The following PSMD9 variants were observed in gnomAD, a reference collection of about 807,000 sequenced individuals.
The protein encoded by PSMD9 is 26S proteasome non-ATPase regulatory subunit 9.
Under a neutral mutation model 25.9 loss-of-function variants are expected in PSMD9, and 26 were observed. The ratio of observed to expected loss-of-function variants is 1.00; its 90% CI spans 0.73 to 1.39. The LOEUF is 1.39. PSMD9 is among the 40% of genes most tolerant of loss of function. PSMD9 has a pLI of 0.00. For synonymous variants in PSMD9, 110 were observed against 114.5 expected (o/e 0.96, Z 0.25); for missense variants, 303 against 299.3 (o/e 1.01, Z -0.09).
chr12:121,912,261 C>G (rs115580427), intron 4 of PSMD9, among the ~76,000 whole-genome samples: 2,792 of 151,938 alleles, frequency 0.018, 87 homozygotes, highest in African/African-American at 0.064. Flanking sequence ...AATTCCTGGG[C>G]TCAAGCGATC....
In PSMD9 at chr12:121,916,808, G is replaced by A. The variant is rs564360897; in HGVS notation, c.*497G>A. ...CTGAGGCCTTGCTGCTGTGGATACG[G>A]AAATGGTTAAGTACTGTGCTTCCTC... On this transcript the variant is annotated 3_prime_UTR_variant, in exon 6 of 6. Coordinates refer to ENST00000541212, the MANE Select transcript of PSMD9 (RefSeq NM_002813.7). The A allele has an allele frequency of 3.7e-5, 6 of 160,034 alleles. No homozygotes were observed. Among genetic ancestry groups the A allele is most frequent in the Middle Eastern group, 3.4e-3 (1 of 296 alleles). 9.9% of individuals were successfully genotyped at this position (160,034 alleles called of 1,614,324 possible). A position where few individuals can be genotyped will look rare whatever the true frequency, so the allele number is the denominator to read the frequency against.
rs1302391739 is a variant in PSMD9 at position 121,888,862 on chromosome 12, C to T, written c.6C>T (p.Ser2=). Reference sequence around the variant, plus strand: ...GTCGCGGCCCGGGGTTCACGATGTCCGACGAGGAAGCGAGGCAGAGCGGAG... The same window carrying T: ...GTCGCGGCCCGGGGTTCACGATGTCTGACGAGGAAGCGAGGCAGAGCGGAG... M[S]DEEARQSGGS... The change falls in exon 1 of 6, where the codon TCC becomes TCT. Residue 2 remains serine, a synonymous_variant. Transcript: ENST00000541212. 4.4e-6 allele frequency: 7 copies of T among 1,603,542 alleles called. No homozygotes were observed. The highest frequency in any genetic ancestry group is 1.7e-5 in the Admixed American group (1 of 58,546).
At chr12:121,910,057 T>C (rs1411242999) in intron 4 of PSMD9, among the ~76,000 whole-genome samples, 1 of 151,898 alleles carries the variant, frequency 6.6e-6, no homozygotes, top group African/African-American at 2.4e-5. Context: ...AACATAGATA[T>C]TCTTTGACAA....
rs916186817 is a variant in PSMD9 at position 121,917,627 on chromosome 12, G to A, written c.*1316G>A. On this transcript the variant is annotated 3_prime_UTR_variant, in exon 6 of 6. Transcript: ENST00000541212. Reference sequence around the variant, plus strand: ...TACAGATACCAGCTTGCCTTGATGGGATTGGTATTGCTGTGTGCTTCCAGC... The same window carrying A: ...TACAGATACCAGCTTGCCTTGATGGAATTGGTATTGCTGTGTGCTTCCAGC... 1.6e-4 allele frequency: 25 copies of A among 152,206 alleles called. No individual in the cohort carries two copies. Among genetic ancestry groups the A allele is most frequent in the African/African-American group, 5.5e-4 (23 of 41,442 alleles). 9.4% of individuals were successfully genotyped at this position (152,206 alleles called of 1,614,324 possible).
chr12:121,900,269 A>G (rs1311230162), intron 3 of PSMD9, among the ~76,000 whole-genome samples: 1 of 152,002 alleles, frequency 6.6e-6, no homozygotes, highest in Non-Finnish European at 1.5e-5. Context: ...AGCACTTGAG[A>G]AGGCTGAGGC....
chr12:121,916,649 G>T lies in PSMD9; in HGVS notation c.*338G>T, dbSNP rs1879913039. The T allele has an allele frequency of 4.0e-6, 1 of 251,486 alleles. No homozygotes were observed. The highest frequency in any genetic ancestry group is 4.8e-5 in the Admixed American group (1 of 21,018). 15.6% of individuals were successfully genotyped at this position (251,486 alleles called of 1,614,324 possible). A position where few individuals can be genotyped will look rare whatever the true frequency, so the allele number is the denominator to read the frequency against. On this transcript the variant is annotated 3_prime_UTR_variant, in exon 6 of 6. Transcript: ENST00000541212. ...AGTTTTACAGTGCTGATATGACCCT[G>T]TTGTCACCCCAGCTGAATTTCTTAT...
At chr12:121,911,662 T>C (rs1879725735) in intron 4 of PSMD9, among the ~76,000 whole-genome samples, 1 of 139,274 alleles carries the variant, frequency 7.2e-6, no homozygotes, top group South Asian at 2.2e-4. Flanking sequence ...ATATGAACTT[T>C]TTTTTTTTTT....
chr12:121,915,885 G>A lies in PSMD9; in HGVS notation c.585G>A (p.Arg195=), dbSNP rs118111382. 9.4e-4 allele frequency: 1,515 copies of A among 1,613,848 alleles called. No homozygotes were observed. The highest frequency in any genetic ancestry group is 1.2e-3 in the Non-Finnish European group (1,453 of 1,179,922). The change falls in exon 5 of 6, where the codon AGG becomes AGA. Residue 195 remains arginine (R), a synonymous_variant. Coordinates refer to ENST00000541212, the MANE Select transcript of PSMD9 (RefSeq NM_002813.7). ...GKPLNVTVIR[R]GEKHQLRLVP... Reference sequence around the variant, plus strand: ...CCCTGAATGTGACAGTGATCCGCAGGGGGGAAAAACACCAGCTTAGACTTG... The same window carrying A: ...CCCTGAATGTGACAGTGATCCGCAGAGGGGAAAAACACCAGCTTAGACTTG...
chr12:121,913,276 T>TA (rs746543075), intron 4 of PSMD9, among the ~76,000 whole-genome samples: 12 of 151,502 alleles, frequency 7.9e-5, no homozygotes, highest in Non-Finnish European at 1.3e-4. Flanking sequence ...AGACGGGGTT[T>TA]CACCGTGTTA....
chr12:121,903,752 CTTT>C (rs11300031), intron 4 of PSMD9, among the ~76,000 whole-genome samples: 32 of 123,474 alleles, frequency 2.6e-4, no homozygotes, highest in Admixed American at 4.2e-4. Flanking sequence ...GAGATCTTTT[CTTT>C]TTTTTTTTTT....
chr12:121,907,312 T>C lies in PSMD9; in HGVS notation c.555+4205T>C, dbSNP rs961670319. ...CTTGAACTCCTGACCTCAGGTGATCTGCCCGCCTCGGCCTCCCAAAGTGCT... is the reference window on the plus strand; with the variant it reads ...CTTGAACTCCTGACCTCAGGTGATCCGCCCGCCTCGGCCTCCCAAAGTGCT... On this transcript the variant is annotated intron_variant, in intron 4 of 5. Coordinates refer to ENST00000541212, the MANE Select transcript of PSMD9 (RefSeq NM_002813.7). Among the ~76,000 whole-genome samples, 4 of 152,062 alleles carry C rather than the reference T, an allele frequency of 2.6e-5. No individual in the cohort carries two copies. The South Asian group carries it at 8.3e-4, about 32-fold the overall frequency.
Position 121,916,695 on chromosome 12 carries a change from C to T in PSMD9, c.*384C>T, listed in dbSNP as rs1272891216. ...CTTATGACCCTCCCAAACCAAAGCT[C>T]AGATGGGGTCAGAAGAGCTTCATAG... On this transcript the variant is annotated 3_prime_UTR_variant, in exon 6 of 6. Transcript: ENST00000541212. The T allele has an allele frequency of 9.6e-6, 2 of 207,592 alleles. No individual in the cohort carries two copies. The highest frequency in any genetic ancestry group is 2.0e-5 in the Non-Finnish European group (2 of 101,522). The allele number at this position is 207,592 out of a possible 1,614,324, so 12.9% of individuals were successfully genotyped here. A position where few individuals can be genotyped will look rare whatever the true frequency, so the allele number is the denominator to read the frequency against.
chr12:121,892,832 C>G (rs1283321006), intron 1 of PSMD9, among the ~76,000 whole-genome samples: 2 of 152,092 alleles, frequency 1.3e-5, no homozygotes, highest in African/African-American at 2.4e-5. Context: ...ATGAACACAC[C>G]ACTGCACCCG....
chr12:121,902,890 T>C, intron 3 of PSMD9, 116 bp from the exon 4 acceptor site: 1 of 804,994 alleles, frequency 1.2e-6, no homozygotes, highest in Non-Finnish European at 2.1e-6. Context: ...GTTCTGAGCC[T>C]ACCCTGTAGA....
rs370872750 is a variant in PSMD9 at position 121,899,856 on chromosome 12, G to T, written c.453+11G>T. ...CCAGCCAGCATCGCGGTAATCCAGG[G>T]GTTGGCCACTCAAGTCCATGCCCAG... On this transcript the variant is annotated intron_variant, in intron 3 of 5. Transcript: ENST00000541212. 2 of 1,613,826 alleles carry T rather than the reference G, an allele frequency of 1.2e-6. No homozygotes were observed. The highest frequency in any genetic ancestry group is 2.7e-5 in the African/African-American group (2 of 75,032).
chr12:121,910,624 G>A (rs1389636074), intron 4 of PSMD9, among the ~76,000 whole-genome samples: 1 of 151,510 alleles, frequency 6.6e-6, no homozygotes, highest in Non-Finnish European at 1.5e-5. Context: ...GCCGGGCGTC[G>A]TGGTGGGCGC....
chr12:121,909,044 CT>C (rs1325457090), intron 4 of PSMD9, among the ~76,000 whole-genome samples: 1 of 152,038 alleles, frequency 6.6e-6, no homozygotes, highest in African/African-American at 2.4e-5. Context: ...GAAGCCTTCT[CT>C]GGATGTTAGG....
chr12:121,893,921 G>A (rs987286404), intron 1 of PSMD9: 1 of 152,192 alleles, frequency 6.6e-6, no homozygotes, highest in Admixed American at 6.6e-5. Context: ...AGGTCAGCTC[G>A]TTAGTTCTTG....
At position 121,888,971 on chromosome 12, in the gene PSMD9, G is replaced by A. The variant is rs1404791517; in HGVS notation, c.115G>A (p.Ala39Thr). ...RKEEIEAQIK[A>T]NYDVLESQKG... ...GGAGGAGATAGAAGCGCAGATCAAG[G>A]CCAACTATGACGTGCTGGAAAGCGT... The change falls in exon 1 of 6, where the codon GCC becomes ACC. Residue 39 changes from alanine to threonine, a missense_variant. Physicochemically the swap from Ala to Thr is moderately conservative, Grantham distance 58. Coordinates refer to ENST00000541212, the MANE Select transcript of PSMD9 (RefSeq NM_002813.7). 6.3e-7 allele frequency: 1 copy of A among 1,589,584 alleles called. No individual in the cohort carries two copies. The highest frequency in any genetic ancestry group is 8.6e-7 in the Non-Finnish European group (1 of 1,168,584).
Sources: gnomAD v4.1 joint callset for allele counts (sites outside exome capture counted in the v4.1 genomes callset) on GRCh38, gnomAD v4.1.1 for gene constraint, MANE v1.5 for transcripts, NCBI Gene and HGNC (gene_info 2026-07-23, HGNC 2026-07-21) for gene names.